SLCO5A1: variants seen among roughly 807,000 people sequenced by gnomAD.
The protein encoded by SLCO5A1 is organic anion transporter polypeptide-related protein 4.
A neutral mutation model predicts 65.1 loss-of-function variants in SLCO5A1; 39 were observed. The observed-to-expected ratio is 0.60, with a 90% CI of 0.46 to 0.78. The LOEUF (loss-of-function observed/expected upper bound fraction) is 0.78, where lower values mean the gene tolerates loss of function less well. Ranked by LOEUF, SLCO5A1 falls within the 30% of genes least tolerant of loss-of-function variation. The pLI is 0.00. For synonymous variants in SLCO5A1, 438 were observed against 415.7 expected (o/e 1.05, Z -0.65); for missense variants, 1,029 against 1,069.4 (o/e 0.96, Z 0.53).
intron 2 of SLCO5A1, among the ~76,000 whole-genome samples, chr8:69,800,319 T>G (rs1819679900): frequency 7.6e-6 from 1 of 131,092 alleles, no homozygotes; most frequent in Admixed American, 8.6e-5. Context: ...AGTAGCACAA[T>G]CACAAATCAC....
intron 2 of SLCO5A1, among the ~76,000 whole-genome samples, chr8:69,784,948 A>AAG (rs1456002693): frequency 6.7e-6 from 1 of 148,622 alleles, no homozygotes; most frequent in Admixed American, 6.7e-5. Flanking sequence ...GAAAGAAAGA[A>AAG]AGAAGAAAGG....
intron 4 of SLCO5A1, among the ~76,000 whole-genome samples, chr8:69,747,826 T>C (rs1321182953): frequency 1.3e-5 from 2 of 152,256 alleles, no homozygotes; most frequent in Non-Finnish European, 2.9e-5. Context: ...GTAACTTCTA[T>C]GGCCTGTGAA....
Position 69,738,039 on chromosome 8 carries a change from C to T in SLCO5A1, c.1423+1G>A, listed in dbSNP as rs1816633614. ...AAGCAGCCCTAGCGGCAGTGCCTTA[C>T]CAGTGTAGATGCTGGCATTGGAGGC... On this transcript the variant is annotated splice_donor_variant, in intron 5 of 9. Coordinates refer to ENST00000260126, the MANE Select transcript of SLCO5A1 (RefSeq NM_030958.3). LOFTEE classifies it high-confidence loss of function. 1 of 1,613,004 alleles carries T rather than the reference C, an allele frequency of 6.2e-7. No individual in the cohort carries two copies. Among genetic ancestry groups the T allele is most frequent in the African/African-American group, 1.3e-5 (1 of 74,866 alleles).
chr8:69,714,611 G>C (rs1482866591), intron 5 of SLCO5A1, among the ~76,000 whole-genome samples: 5 of 152,190 alleles, frequency 3.3e-5, no homozygotes, highest in Admixed American at 2.0e-4. Flanking sequence ...GACAATCATA[G>C]TGTGGCTCCC....
intron 6 of SLCO5A1, among the ~76,000 whole-genome samples, chr8:69,686,161 G>A (rs1187763676): frequency 6.8e-6 from 1 of 146,486 alleles, no homozygotes; most frequent in East Asian, 2.0e-4. Flanking sequence ...TCTATTAAAA[G>A]ATGTGACAAG....
intron 2 of SLCO5A1, chr8:69,773,013 G>A: frequency 1.0e-6 from 1 of 972,656 alleles, no homozygotes; most frequent in African/African-American, 1.8e-5. Flanking sequence ...TAGTTGGGGA[G>A]GGAGGACAGA....
chr8:69,690,046 C>T lies in SLCO5A1; in HGVS notation c.1623-7703G>A, dbSNP rs556192865. On this transcript the variant is annotated intron_variant, in intron 6 of 9. Transcript: ENST00000260126. ...CGGTGGACCCCGCCCCGCCCCTTTGCGGGTACGGGGGGGCGCCAGGGGCCT... is the reference window on the plus strand; with the variant it reads ...CGGTGGACCCCGCCCCGCCCCTTTGTGGGTACGGGGGGGCGCCAGGGGCCT... Among the ~76,000 whole-genome samples the T allele has an allele frequency of 4.0e-4, 56 of 138,488 alleles. No individual in the cohort carries two copies. In the South Asian group the frequency reaches 4.1e-3, roughly 10 times the overall value. 90.9% of individuals were successfully genotyped at this position (138,488 alleles called of 152,430 possible). A position where few individuals can be genotyped will look rare whatever the true frequency, so the allele number is the denominator to read the frequency against.
intron 2 of SLCO5A1, among the ~76,000 whole-genome samples, chr8:69,783,499 A>G (rs1292601436): frequency 1.3e-5 from 2 of 151,850 alleles, no homozygotes; most frequent in Non-Finnish European, 2.9e-5. Context: ...AAAATTTTGA[A>G]TTTTAATTTT....
intron 2 of SLCO5A1, among the ~76,000 whole-genome samples, chr8:69,785,446 C>T (rs1329988298): frequency 6.6e-6 from 1 of 151,910 alleles, no homozygotes; most frequent in Non-Finnish European, 1.5e-5. Context: ...ATGATAAATG[C>T]CTAACAGTGG....
intron 5 of SLCO5A1, among the ~76,000 whole-genome samples, chr8:69,705,661 T>C (rs1367241492): frequency 3.3e-5 from 5 of 152,240 alleles, no homozygotes; most frequent in Admixed American, 1.3e-4. Flanking sequence ...ACACATTCTA[T>C]GCATGTCACA....
chr8:69,718,569 T>C lies in SLCO5A1; in HGVS notation c.1424-13340A>G, dbSNP rs187108397. Among the ~76,000 whole-genome samples, 12 of 152,350 alleles carry C rather than the reference T, an allele frequency of 7.9e-5. No individual in the cohort carries two copies. The East Asian group carries it at 2.1e-3, about 27-fold the overall frequency. ...TCACATTGTGTTTTTAATCTTCAAT[T>C]ACTTAAATGGTAGTTGAGCTAAAAT... is the stretch of plus-strand genomic sequence containing the variant. On this transcript the variant is annotated intron_variant, in intron 5 of 9. Coordinates refer to ENST00000260126, the MANE Select transcript of SLCO5A1 (RefSeq NM_030958.3).
chr8:69,731,659 A>G (rs1816340999), intron 5 of SLCO5A1, among the ~76,000 whole-genome samples: 1 of 152,226 alleles, frequency 6.6e-6, no homozygotes, highest in African/African-American at 2.4e-5. Flanking sequence ...TCAGCATGAT[A>G]TTAATACATA....
At chr8:69,715,515 A>G (rs1294966292) in intron 5 of SLCO5A1, among the ~76,000 whole-genome samples, 2 of 152,214 alleles carry the variant, frequency 1.3e-5, no homozygotes, top group Admixed American at 6.5e-5. Flanking sequence ...CCATCGAGAC[A>G]GTTCATCGTC....
intron 6 of SLCO5A1, among the ~76,000 whole-genome samples, chr8:69,694,137 C>T (rs1814394085): frequency 6.6e-6 from 1 of 152,198 alleles, no homozygotes; most frequent in Non-Finnish European, 1.5e-5. Flanking sequence ...GTTGTGTGTG[C>T]ATGCAGGTGC....
At chr8:69,687,258 CG>C (rs1437987237) in intron 6 of SLCO5A1, among the ~76,000 whole-genome samples, 1 of 152,074 alleles carries the variant, frequency 6.6e-6, no homozygotes, top group Non-Finnish European at 1.5e-5. Context: ...CAAATCTTTT[CG>C]TCTATGGCTA....
At chr8:69,751,712 A>T (rs1483015269) in intron 4 of SLCO5A1, among the ~76,000 whole-genome samples, 2 of 151,828 alleles carry the variant, frequency 1.3e-5, no homozygotes, top group East Asian at 3.9e-4. Flanking sequence ...ACGCCCATCT[A>T]ATTTTTTTAT....
chr8:69,816,836 C>T (rs1390294526), intron 2 of SLCO5A1, among the ~76,000 whole-genome samples: 2 of 152,182 alleles, frequency 1.3e-5, no homozygotes, highest in Non-Finnish European at 2.9e-5. Context: ...TACAGACTCA[C>T]ATTATTTAAC....
intron 2 of SLCO5A1, among the ~76,000 whole-genome samples, chr8:69,780,555 A>G (rs1246596966): frequency 6.6e-6 from 1 of 152,234 alleles, no homozygotes; most frequent in African/African-American, 2.4e-5. Flanking sequence ...AGACACAGAA[A>G]GACAAATAGC....
chr8:69,722,107 G>T (rs1013392759), intron 5 of SLCO5A1, among the ~76,000 whole-genome samples: 6 of 152,048 alleles, frequency 3.9e-5, no homozygotes, highest in African/African-American at 1.5e-4. Flanking sequence ...AGGAGGCGGA[G>T]GTTGCAGTGA....
Sources: allele counts gnomAD v4.1 joint callset (sites outside exome capture counted in the v4.1 genomes callset), GRCh38; gene constraint gnomAD v4.1.1; transcripts MANE v1.5; gene names NCBI Gene and HGNC (gene_info 2026-07-23, HGNC 2026-07-21).